Variants in EFCAB11 observed in about 807,000 individuals in gnomAD.
The protein encoded by EFCAB11 is EF-hand calcium binding domain 11, also known as EF-hand calcium-binding domain-containing protein 11.
Under a neutral mutation model 23.0 loss-of-function variants are expected in EFCAB11, and 14 were observed. The ratio of observed to expected loss-of-function variants is 0.61; its 90% confidence interval spans 0.40 to 0.95. The LOEUF is 0.95. Among genes scored for constraint, EFCAB11 ranks in the 40% least tolerant of loss-of-function variants. The pLI is 0.00. For missense variants in EFCAB11, 198 were observed against 195.8 expected, an observed-to-expected ratio of 1.01 and a Z score of -0.07; for synonymous variants, 65 against 66.6, an observed-to-expected ratio of 0.98 and a Z score of 0.11.
At chr14:89,816,905 T>A (rs1333594782) in intron 5 of EFCAB11, among the ~76,000 whole-genome samples, 1 of 152,062 alleles carries the variant, frequency 6.6e-6, no homozygotes, top group Admixed American at 6.5e-5. Context: ...ACAACAACTA[T>A]CAAACTTTTT....
Position 89,835,714 on chromosome 14 carries a change from G to A in EFCAB11, c.411-38390C>T, listed in dbSNP as rs1315843871. Among the ~76,000 whole-genome samples, 8 of 149,498 alleles carry A rather than the reference G, an allele frequency of 5.4e-5. No individual in the cohort carries two copies. In the East Asian group the frequency reaches 1.4e-3, roughly 26 times the overall value. On this transcript the variant is annotated intron_variant, in intron 5 of 5. Coordinates refer to ENST00000316738, the MANE Select transcript of EFCAB11 (RefSeq NM_145231.4). ...GTGATCTCGGTTCACTGCAACCTCC[G>A]CCTCCCGGGTTCGAACAATTCTCCC...
intron 5 of EFCAB11, among the ~76,000 whole-genome samples, chr14:89,848,276 A>G (rs1887495996): frequency 6.6e-6 from 1 of 152,216 alleles, no homozygotes; most frequent in Non-Finnish European, 1.5e-5. Context: ...TCCAAAGTTT[A>G]TGATGTTTGG....
At position 89,843,038 on chromosome 14, in the gene EFCAB11, T is replaced by C. The variant is rs538562215; in HGVS notation, c.411-45714A>G. ...TACCACACTTTATGGGACTTATCTA[T>C]TTAGCTGTAGATGACTTAGCTCCAT... On this transcript the variant is annotated intron_variant, in intron 5 of 5. Transcript: ENST00000316738. 5.3e-5 allele frequency among the ~76,000 whole-genome samples: 8 copies of C among 152,298 alleles called. No homozygotes were observed. The South Asian group carries it at 1.5e-3, about 28-fold the overall frequency.
chr14:89,851,960 G>T (rs939176146), intron 5 of EFCAB11, among the ~76,000 whole-genome samples: 1 of 152,190 alleles, frequency 6.6e-6, no homozygotes, highest in Non-Finnish European at 1.5e-5. Flanking sequence ...GGATACCATC[G>T]AATGCCAAAA....
intron 5 of EFCAB11, among the ~76,000 whole-genome samples, chr14:89,864,174 G>A (rs557971263): frequency 6.6e-6 from 1 of 152,238 alleles, no homozygotes; most frequent in South Asian, 2.1e-4. Context: ...TAAATGTCCT[G>A]GATCCAAGCT....
At chr14:89,851,069 A>G (rs904010812) in intron 5 of EFCAB11, among the ~76,000 whole-genome samples, 1 of 152,228 alleles carries the variant, frequency 6.6e-6, no homozygotes, top group African/African-American at 2.4e-5. Context: ...ATAGGAATTA[A>G]CTTACTAGAG....
intron 5 of EFCAB11, among the ~76,000 whole-genome samples, chr14:89,840,863 G>A (rs1451412920): frequency 1.3e-5 from 2 of 152,158 alleles, no homozygotes; most frequent in Admixed American, 1.3e-4. Context: ...TATTATTGTT[G>A]AGAATAAATT....
intron 5 of EFCAB11, among the ~76,000 whole-genome samples, chr14:89,849,761 G>C (rs1566783455): frequency 6.6e-6 from 1 of 152,006 alleles, no homozygotes. Flanking sequence ...TCATATTTAA[G>C]AACACGTAAG....
At chr14:89,850,173 A>G (rs186667088) in intron 5 of EFCAB11, among the ~76,000 whole-genome samples, 51 of 152,312 alleles carry the variant, frequency 3.3e-4, no homozygotes, top group African/African-American at 9.1e-4. Flanking sequence ...TGTAGTTTCA[A>G]TTCTCTAAGC....
intron 5 of EFCAB11, among the ~76,000 whole-genome samples, chr14:89,810,768 A>G (rs976152369): frequency 6.6e-6 from 1 of 151,618 alleles, no homozygotes; most frequent in African/African-American, 2.4e-5. Context: ...AAAAAAAAAA[A>G]AAAAGAAATG....
chr14:89,923,307 T>C (rs1435685983), intron 5 of EFCAB11: 2 of 152,232 alleles, frequency 1.3e-5, no homozygotes, highest in African/African-American at 2.4e-5. Flanking sequence ...TTATTCAATA[T>C]ATCACATGTG....
At chr14:89,826,676 A>AGCTGAGTG (rs1173090259) in intron 5 of EFCAB11, among the ~76,000 whole-genome samples, 1 of 152,128 alleles carries the variant, frequency 6.6e-6, no homozygotes, top group Non-Finnish European at 1.5e-5. Context: ...ATATGACTTG[A>AGCTGAGTG]GCTGAGTGTT....
rs796207560 is a variant in EFCAB11 at position 89,921,072 on chromosome 14, A to AAAAAAAAAG, written c.410+10468_410+10469insCTTTTTTTT. ...AAAGTGAGACTCTGTCTAAAAAAAAAAAAAGAAAAGAAAGAAAGAAAAGAA... is the reference window on the plus strand; with the variant it reads ...AAAGTGAGACTCTGTCTAAAAAAAAAAAAAAAAAGAAAAGAAAAGAAAGAAAGAAAAGAA... On this transcript the variant is annotated intron_variant, in intron 5 of 5. Transcript: ENST00000316738. Among the ~76,000 whole-genome samples the AAAAAAAAAG allele has an allele frequency of 3.8e-3, 559 of 147,566 alleles. 12 individuals are homozygous for AAAAAAAAAG. The highest frequency in any genetic ancestry group is 0.014 in the African/African-American group (530 of 37,472).
intron 5 of EFCAB11, among the ~76,000 whole-genome samples, chr14:89,801,931 TTG>T (rs1027169621): frequency 6.7e-4 from 102 of 151,758 alleles, no homozygotes; most frequent in African/African-American, 2.2e-3. Context: ...GAGCTGGAGG[TTG>T]CAGTGAGCTG....
At chr14:89,886,342 C>T (rs1189416963) in intron 5 of EFCAB11, among the ~76,000 whole-genome samples, 1 of 151,736 alleles carries the variant, frequency 6.6e-6, no homozygotes, top group Non-Finnish European at 1.5e-5. Flanking sequence ...TCTGTGAAAC[C>T]CCGTCTCTAC....
At chr14:89,854,080 A>C (rs538373423) in intron 5 of EFCAB11, among the ~76,000 whole-genome samples, 4 of 152,256 alleles carry the variant, frequency 2.6e-5, no homozygotes, top group Admixed American at 2.6e-4. Context: ...CAAGTGCTTA[A>C]TTAGAGAGGT....
chr14:89,871,667 C>A (rs1224747599), intron 5 of EFCAB11, among the ~76,000 whole-genome samples: 1 of 152,196 alleles, frequency 6.6e-6, no homozygotes, highest in Non-Finnish European at 1.5e-5. Flanking sequence ...ACTGACCTCT[C>A]CTTTCTATTA....
At chr14:89,821,651 T>C (rs1451945289) in intron 5 of EFCAB11, among the ~76,000 whole-genome samples, 3 of 152,090 alleles carry the variant, frequency 2.0e-5, no homozygotes, top group Non-Finnish European at 4.4e-5. Context: ...GAAAAACAAA[T>C]GAAGTGAGCC....
At chr14:89,804,186 A>C (rs1264138075) in intron 5 of EFCAB11, among the ~76,000 whole-genome samples, 3 of 152,220 alleles carry the variant, frequency 2.0e-5, no homozygotes, top group African/African-American at 7.2e-5. Context: ...CCAAACGTGG[A>C]AGCATGAAAA....
Sources: gnomAD v4.1 joint callset for allele counts (sites outside exome capture counted in the v4.1 genomes callset) on GRCh38, gnomAD v4.1.1 for gene constraint, MANE v1.5 for transcripts, NCBI Gene and HGNC (gene_info 2026-07-23, HGNC 2026-07-21) for gene names.